C12orf42: variants seen among roughly 807,000 people sequenced by gnomAD.
C12orf42 encodes the protein uncharacterized protein C12orf42.
Under a neutral mutation model 21.6 loss-of-function variants are expected in C12orf42, and 25 were observed. That is an observed-to-expected ratio of 1.16 (90% CI 0.84 to 1.62). The LOEUF (loss-of-function observed/expected upper bound fraction) is 1.62, where lower values mean the gene tolerates loss of function less well. C12orf42 is among the 40% of genes most tolerant of loss of function. The probability of loss-of-function intolerance (pLI) is 0.00; values close to 1 mark genes in which losing one functional copy is unlikely to be tolerated. For synonymous variants in C12orf42, 174 were observed against 175.0 expected (o/e 0.99, Z 0.05); for missense variants, 483 against 459.3 (o/e 1.05, Z -0.47).
chr12:103,289,999 T>C (rs2036694625), intron 4 of C12orf42, among the ~76,000 whole-genome samples: 1 of 152,186 alleles, frequency 6.6e-6, no homozygotes, highest in South Asian at 2.1e-4. Flanking sequence ...GAAAGCTTCC[T>C]GCACTAATGC....
the C12orf42 span, among the ~76,000 whole-genome samples, chr12:103,197,915 A>G: frequency 2.0e-5 from 3 of 152,230 alleles, no homozygotes; most frequent in Non-Finnish European, 4.4e-5. Flanking sequence ...TGGCCCCTTA[A>G]GGTTGAGCAC....
intron 10 of C12orf42, among the ~76,000 whole-genome samples, chr12:103,251,081 C>G (rs1177049835): frequency 6.6e-6 from 1 of 152,158 alleles, no homozygotes; most frequent in Admixed American, 6.6e-5. Flanking sequence ...ATATGCCATT[C>G]ACTACTTGAT....
At chr12:103,261,143 A>G (rs1260652184) in intron 10 of C12orf42, among the ~76,000 whole-genome samples, 1 of 152,082 alleles carries the variant, frequency 6.6e-6, no homozygotes, top group African/African-American at 2.4e-5. Context: ...CAATTGGTAT[A>G]ATTCCTATTT....
At chr12:103,199,325 T>C in the C12orf42 span, among the ~76,000 whole-genome samples, 30 of 152,128 alleles carry the variant, frequency 2.0e-4, no homozygotes, top group Non-Finnish European at 4.4e-4. Context: ...TGAATTATAA[T>C]AATAATTCAT....
At chr12:103,062,090 G>T in the C12orf42 span, among the ~76,000 whole-genome samples, 2 of 151,750 alleles carry the variant, frequency 1.3e-5, no homozygotes, top group African/African-American at 4.8e-5. Context: ...CCACTTCCAA[G>T]TCAATGCTTA....
the C12orf42 span, among the ~76,000 whole-genome samples, chr12:103,507,969 G>A: frequency 4.6e-5 from 7 of 152,298 alleles, no homozygotes; most frequent in African/African-American, 1.7e-4. Context: ...CCTGTGTGAA[G>A]TGAGAGGGCT....
chr12:103,151,249 T>C, the C12orf42 span, among the ~76,000 whole-genome samples: 1 of 152,090 alleles, frequency 6.6e-6, no homozygotes, highest in South Asian at 2.1e-4. Context: ...TTCAAAGTGA[T>C]TAACACTGGA....
chr12:103,138,900 T>G, the C12orf42 span, among the ~76,000 whole-genome samples: 4 of 152,170 alleles, frequency 2.6e-5, no homozygotes, highest in African/African-American at 4.8e-5. Context: ...GTTAACCCTC[T>G]ACCTTAGTAG....
chr12:103,168,067 A>T, the C12orf42 span: 1 of 455,832 alleles, frequency 2.2e-6, no homozygotes. Context: ...ACAAGAAATG[A>T]TTACATTATT....
At chr12:103,355,955 C>T (rs778787858) in intron 4 of C12orf42, among the ~76,000 whole-genome samples, 11 of 152,036 alleles carry the variant, frequency 7.2e-5, no homozygotes, top group Non-Finnish European at 1.2e-4. Context: ...TATATTGTGA[C>T]ATTCATCTCT....
chr12:103,240,020 G>A (rs1233771168), intron 10 of C12orf42, among the ~76,000 whole-genome samples: 1 of 152,080 alleles, frequency 6.6e-6, no homozygotes, highest in African/African-American at 2.4e-5. Flanking sequence ...CTTCTACTAT[G>A]GGCAAAAGAT....
chr12:103,407,811 G>A (rs1355815535), intron 2 of C12orf42, among the ~76,000 whole-genome samples: 1 of 152,126 alleles, frequency 6.6e-6, no homozygotes, highest in Non-Finnish European at 1.5e-5. Flanking sequence ...AAGACCTCCT[G>A]TTGACAAAGA....
At chr12:103,075,488 G>C in the C12orf42 span, among the ~76,000 whole-genome samples, 3 of 152,326 alleles carry the variant, frequency 2.0e-5, no homozygotes, top group East Asian at 5.8e-4. Context: ...GATCATAGCA[G>C]TGATGCCACT....
Position 103,306,364 on chromosome 12 carries a change from T to C in C12orf42, c.260-19A>G. On this transcript the variant is annotated intron_variant, in intron 4 of 5. Transcript: ENST00000548883. ...GGAAATACTGTGAAAGGTAAATACA[T>C]TCGTTTGAAAAATTCACCAAAAACA... The C allele has an allele frequency of 6.4e-7, 1 of 1,564,876 alleles. No individual in the cohort carries two copies.
intron 2 of C12orf42, among the ~76,000 whole-genome samples, chr12:103,426,142 G>A (rs1949790895): frequency 6.6e-6 from 1 of 152,188 alleles, no homozygotes; most frequent in African/African-American, 2.4e-5. Flanking sequence ...GCTTCAGAAG[G>A]TGGGTAATAA....
chr12:103,259,471 G>T (rs2034782380), intron 10 of C12orf42, among the ~76,000 whole-genome samples: 1 of 152,106 alleles, frequency 6.6e-6, no homozygotes, highest in South Asian at 2.1e-4. Flanking sequence ...TAGAGACAGG[G>T]TTTCACCAAA....
At chr12:103,149,954 G>A in the C12orf42 span, among the ~76,000 whole-genome samples, 3 of 152,194 alleles carry the variant, frequency 2.0e-5, no homozygotes, top group African/African-American at 4.8e-5. Context: ...ACTCACAGAT[G>A]TATCAATGAA....
intron 4 of C12orf42, among the ~76,000 whole-genome samples, chr12:103,361,983 T>A (rs925090252): frequency 6.6e-6 from 1 of 152,104 alleles, no homozygotes; most frequent in African/African-American, 2.4e-5. Context: ...ACCTACTGCC[T>A]GATCCTCACT....
At chr12:103,440,431 T>TAAAATA (rs1320367312) in intron 2 of C12orf42, among the ~76,000 whole-genome samples, 2 of 25,134 alleles carry the variant, frequency 8.0e-5, no homozygotes, top group African/African-American at 3.3e-4. Context: ...TAAAATAAAA[T>TAAAATA]AAATAAATAA....
Sources: allele counts gnomAD v4.1 joint callset (sites outside exome capture counted in the v4.1 genomes callset), GRCh38; gene constraint gnomAD v4.1.1; transcripts MANE v1.5; gene names NCBI Gene and HGNC (gene_info 2026-07-23, HGNC 2026-07-21).